The following CSMD3 variants were observed in gnomAD, a reference collection of about 807,000 sequenced individuals.
CSMD3 encodes CUB and Sushi multiple domains 3.
CSMD3 carries 177 observed loss-of-function variants against 435.2 expected under a neutral mutation model. That is an observed-to-expected ratio of 0.41 (90% CI 0.36 to 0.46). CSMD3 has a LOEUF of 0.46. Ranked by LOEUF, CSMD3 falls within the 20% of genes least tolerant of loss-of-function variation. The probability of loss-of-function intolerance (pLI) is 0.34; values close to 1 mark genes in which losing one functional copy is unlikely to be tolerated. For synonymous variants in CSMD3, 1,656 were observed against 1,520.5 expected, an observed-to-expected ratio of 1.09 and a Z score of -2.07; for missense variants, 4,265 against 4,504.6, an observed-to-expected ratio of 0.95 and a Z score of 1.52.
intron 25 of CSMD3, among the ~76,000 whole-genome samples, chr8:112,555,001 A>G (rs1827991733): frequency 6.6e-6 from 1 of 151,908 alleles, no homozygotes; most frequent in Non-Finnish European, 1.5e-5. Context: ...TCTAAAATAG[A>G]ATTTCATCTT....
intron 61 of CSMD3, among the ~76,000 whole-genome samples, chr8:112,258,112 C>A (rs1405606406): frequency 6.6e-6 from 1 of 152,146 alleles, no homozygotes; most frequent in African/African-American, 2.4e-5. Flanking sequence ...CTTCCTTATA[C>A]CTTATACAAA....
intron 20 of CSMD3, among the ~76,000 whole-genome samples, chr8:112,640,351 A>G (rs1304123007): frequency 6.6e-6 from 1 of 152,054 alleles, no homozygotes; most frequent in Non-Finnish European, 1.5e-5. Context: ...AAAATATCAG[A>G]GTATGACAAG....
chr8:112,783,999 G>T (rs2078470573), intron 13 of CSMD3, among the ~76,000 whole-genome samples: 1 of 152,156 alleles, frequency 6.6e-6, no homozygotes, highest in South Asian at 2.1e-4. Context: ...TATAGCTGGA[G>T]ATTTAGCATT....
intron 58 of CSMD3, among the ~76,000 whole-genome samples, chr8:112,281,707 G>C (rs897510042): frequency 6.6e-6 from 1 of 152,018 alleles, no homozygotes; most frequent in African/African-American, 2.4e-5. Flanking sequence ...TGTAAAATTG[G>C]AAGACATGTA....
At chr8:112,731,789 T>G (rs2077080443) in intron 13 of CSMD3, among the ~76,000 whole-genome samples, 1 of 152,142 alleles carries the variant, frequency 6.6e-6, no homozygotes, top group South Asian at 2.1e-4. Flanking sequence ...ATTTGTTCAC[T>G]GAATTCAATT....
intron 40 of CSMD3, among the ~76,000 whole-genome samples, chr8:112,348,452 T>C (rs1266222045): frequency 2.0e-5 from 3 of 152,224 alleles, no homozygotes; most frequent in Non-Finnish European, 2.9e-5. Context: ...TGATGACTAG[T>C]GTTTTAAGAC....
At position 112,639,063 on chromosome 8, in the gene CSMD3, A is replaced by G. The variant is rs191746892; in HGVS notation, c.3311-152T>C. The G allele has an allele frequency of 9.3e-4, 567 of 611,846 alleles. 5 individuals carry two copies. The highest frequency in any genetic ancestry group is 1.4e-3 in the Admixed American group (48 of 35,506). The allele number at this position is 611,846 out of a possible 1,614,324, so 37.9% of individuals were successfully genotyped here. A position where few individuals can be genotyped will look rare whatever the true frequency, so the allele number is the denominator to read the frequency against. On this transcript the variant is annotated intron_variant, in intron 20 of 70. Transcript: ENST00000297405. Reference sequence around the variant, plus strand: ...ATAAAATATTCCAAATATATGTTATATTATTCTTTTTGTGTGTGTTTTTCC... The same window carrying G: ...ATAAAATATTCCAAATATATGTTATGTTATTCTTTTTGTGTGTGTTTTTCC...
chr8:112,711,443 G>A lies in CSMD3; in HGVS notation c.1973-21393C>T, dbSNP rs1008402941. Among the ~76,000 whole-genome samples, 9 of 152,126 alleles carry A rather than the reference G, an allele frequency of 5.9e-5. No individual in the cohort carries two copies. The East Asian group carries it at 1.3e-3, about 23-fold the overall frequency. On this transcript the variant is annotated intron_variant, in intron 13 of 70. Coordinates refer to ENST00000297405, the MANE Select transcript of CSMD3 (RefSeq NM_198123.2). ...TTGAACTAGTTCAATGGGTTGTTGA[G>A]TCCTTAAGAAGTAAAAATTTCTAAC...
At chr8:113,045,255 A>G (rs149746484) in intron 5 of CSMD3, among the ~76,000 whole-genome samples, 2 of 149,398 alleles carry the variant, frequency 1.3e-5, no homozygotes, top group African/African-American at 4.8e-5. Context: ...TGAATGCCCT[A>G]CTAGTTTTCT....
chr8:112,268,955 G>A (rs1041254813), intron 59 of CSMD3, among the ~76,000 whole-genome samples: 3 of 152,078 alleles, frequency 2.0e-5, no homozygotes, highest in African/African-American at 7.2e-5. Flanking sequence ...TCGTTGTGAG[G>A]GGCTGCTCTG....
At position 112,384,899 on chromosome 8, in the gene CSMD3, T is replaced by C. The variant is rs567435870; in HGVS notation, c.5935-1236A>G. ...CCTTCAATTCAGAGGAAGAAAATAC[T>C]GCATTCAGCTTTTTAAAAAATGTGA... is the stretch of plus-strand genomic sequence containing the variant. On this transcript the variant is annotated intron_variant, in intron 36 of 70. Coordinates refer to ENST00000297405, the MANE Select transcript of CSMD3 (RefSeq NM_198123.2). Among the ~76,000 whole-genome samples, 4 of 152,354 alleles carry C rather than the reference T, an allele frequency of 2.6e-5. No homozygotes were observed. In the East Asian group the frequency reaches 7.7e-4, roughly 29 times the overall value.
intron 66 of CSMD3, among the ~76,000 whole-genome samples, chr8:112,237,941 T>C (rs1362837557): frequency 2.6e-5 from 4 of 152,034 alleles, no homozygotes; most frequent in African/African-American, 9.7e-5. Flanking sequence ...TTGTCACTAG[T>C]ATTGTTGGAC....
chr8:112,240,020 C>A (rs1813970201), intron 66 of CSMD3, among the ~76,000 whole-genome samples: 1 of 151,904 alleles, frequency 6.6e-6, no homozygotes, highest in African/African-American at 2.4e-5. Context: ...CTTAACTTTC[C>A]TTTTCTTATA....
Position 112,552,757 on chromosome 8 carries a change from A to G in CSMD3, c.4235-37T>C, listed in dbSNP as rs1827797950. ...TAATAGAAATTTAAGCCACAATTTA[A>G]TGCCAATCTTTTCAAAACAATCTAC... On this transcript the variant is annotated intron_variant, in intron 25 of 70. Transcript: ENST00000297405. 1.9e-6 allele frequency: 3 copies of G among 1,594,508 alleles called. No homozygotes were observed. The Admixed American group carries it at 5.0e-5, about 27-fold the overall frequency.
intron 9 of CSMD3, among the ~76,000 whole-genome samples, chr8:112,934,669 A>G (rs1341858856): frequency 2.6e-5 from 4 of 152,142 alleles, no homozygotes; most frequent in Non-Finnish European, 5.9e-5. Context: ...ACATAAATTC[A>G]TAAGTTGCTT....
intron 1 of CSMD3, among the ~76,000 whole-genome samples, chr8:113,363,432 T>C (rs1368248268): frequency 3.9e-5 from 6 of 152,114 alleles, no homozygotes; most frequent in Non-Finnish European, 8.8e-5. Flanking sequence ...TACCACAAAG[T>C]TGATAGCTTA....
At chr8:113,069,289 C>G (rs1173774058) in intron 5 of CSMD3, among the ~76,000 whole-genome samples, 1 of 152,090 alleles carries the variant, frequency 6.6e-6, no homozygotes, top group Non-Finnish European at 1.5e-5. Context: ...GAAACAAACA[C>G]AGCAGAACAT....
At chr8:112,578,226 G>A (rs1830087422) in intron 23 of CSMD3, among the ~76,000 whole-genome samples, 1 of 151,848 alleles carries the variant, frequency 6.6e-6, no homozygotes, top group South Asian at 2.1e-4. Flanking sequence ...CAATTATTTA[G>A]GTTTCTAAAA....
intron 3 of CSMD3, among the ~76,000 whole-genome samples, chr8:113,208,547 TCC>T (rs1342261627): frequency 6.6e-6 from 1 of 152,184 alleles, no homozygotes; most frequent in Non-Finnish European, 1.5e-5. Flanking sequence ...TTCTTTTCTG[TCC>T]ACAATATAAT....
Sources: gnomAD v4.1 joint callset for allele counts (sites outside exome capture counted in the v4.1 genomes callset) on GRCh38, gnomAD v4.1.1 for gene constraint, MANE v1.5 for transcripts, NCBI Gene and HGNC (gene_info 2026-07-23, HGNC 2026-07-21) for gene names.